ABLIM1: variants seen among roughly 807,000 people sequenced by gnomAD.
The protein encoded by ABLIM1 is actin binding LIM protein 1.
A neutral mutation model predicts 107.0 loss-of-function variants in ABLIM1; 40 were observed. The observed-to-expected ratio is 0.37, with a 90% CI of 0.29 to 0.49. The LOEUF is 0.49. Ranked by LOEUF, ABLIM1 falls within the 20% of genes least tolerant of loss-of-function variation. ABLIM1 has a pLI of 0.97. For synonymous variants in ABLIM1, 357 were observed against 357.3 expected (o/e 1.00, Z 0.01); for missense variants, 857 against 1,008.5 (o/e 0.85, Z 2.04).
At chr10:114,681,259 G>A (rs1299871073) in intron 1 of ABLIM1, among the ~76,000 whole-genome samples, 2 of 152,152 alleles carry the variant, frequency 1.3e-5, no homozygotes, top group East Asian at 1.9e-4. Flanking sequence ...GCAGTGGCAC[G>A]ATCTCAGCTC....
At chr10:114,769,869 C>T (rs12767713), upstream of ABLIM1, among the ~76,000 whole-genome samples, 73,462 of 152,052 alleles carry the variant, frequency 0.48, 18,542 homozygotes, top group African/African-American at 0.54. Context: ...ATTTATCCAT[C>T]TTGACAACAT....
At chr10:114,503,097 G>A (rs1367193684) in intron 6 of ABLIM1, among the ~76,000 whole-genome samples, 1 of 152,082 alleles carries the variant, frequency 6.6e-6, no homozygotes, top group Non-Finnish European at 1.5e-5. Context: ...CAATTCCTTT[G>A]TGGAAATATA....
chr10:114,594,840 C>A (rs923981971), intron 2 of ABLIM1, among the ~76,000 whole-genome samples: 2 of 152,164 alleles, frequency 1.3e-5, no homozygotes, highest in Non-Finnish European at 2.9e-5. Context: ...CTTATGAGTA[C>A]CTGCCATATC....
chr10:114,638,384 C>G (rs1195126488), intron 1 of ABLIM1, among the ~76,000 whole-genome samples: 1 of 152,160 alleles, frequency 6.6e-6, no homozygotes, highest in African/African-American at 2.4e-5. Flanking sequence ...CCCTTTATAA[C>G]CTACCCTCAC....
intron 3 of ABLIM1, among the ~76,000 whole-genome samples, chr10:114,573,952 T>G (rs1330523539): frequency 1.3e-5 from 2 of 152,186 alleles, no homozygotes; most frequent in African/African-American, 4.8e-5. Context: ...AAATATTCAG[T>G]TCATTCATCC....
intron 1 of ABLIM1, among the ~76,000 whole-genome samples, chr10:114,720,383 T>G (rs112431379): frequency 0.054 from 8,169 of 152,258 alleles, 347 homozygotes; most frequent in African/African-American, 0.11. Flanking sequence ...CTTTGGGTAT[T>G]TATCCAGTAA....
At chr10:114,538,035 C>T (rs534700432) in intron 6 of ABLIM1, among the ~76,000 whole-genome samples, 3 of 152,344 alleles carry the variant, frequency 2.0e-5, no homozygotes, top group African/African-American at 4.8e-5. Context: ...TAGAGAATAG[C>T]TTAGCCCAGA....
intron 4 of ABLIM1, among the ~76,000 whole-genome samples, chr10:114,554,622 G>A (rs1261659380): frequency 6.6e-6 from 1 of 152,174 alleles, no homozygotes; most frequent in East Asian, 1.9e-4. Flanking sequence ...CTTGAGCCCA[G>A]GAGCTCAAGG....
At chr10:114,465,870 A>T in intron 11 of ABLIM1, 43 bp from the exon 12 acceptor site, 1 of 1,604,086 alleles carries the variant, frequency 6.2e-7, no homozygotes, top group Non-Finnish European at 8.5e-7. Flanking sequence ...ACCATGCCTC[A>T]GTAGGAACCA....
At chr10:114,468,421 C>CT (rs33941331) in intron 10 of ABLIM1, among the ~76,000 whole-genome samples, 10 of 830 alleles carry the variant, frequency 0.012, no homozygotes, top group African/African-American at 0.03. Flanking sequence ...ACTACAGGCG[C>CT]CGCCACCACC....
At chr10:114,683,193 C>G (rs2080819344) in intron 1 of ABLIM1, among the ~76,000 whole-genome samples, 1 of 152,166 alleles carries the variant, frequency 6.6e-6, no homozygotes, top group Non-Finnish European at 1.5e-5. Flanking sequence ...TTAGAAAGAA[C>G]AGGGGAGGGC....
chr10:114,543,220 A>G (rs1212086228), intron 6 of ABLIM1, among the ~76,000 whole-genome samples: 1 of 152,190 alleles, frequency 6.6e-6, no homozygotes, highest in Non-Finnish European at 1.5e-5. Context: ...GGCACTTAGT[A>G]CATTCATTCA....
At chr10:114,547,381 G>A (rs2067493432) in intron 5 of ABLIM1, 5 of 389,484 alleles carry the variant, frequency 1.3e-5, no homozygotes, top group Non-Finnish European at 2.3e-5. Context: ...ATTATTAAAT[G>A]CTTAATTGGT....
the ABLIM1 span, among the ~76,000 whole-genome samples, chr10:114,786,393 GCTAT>G: frequency 2.6e-5 from 4 of 152,166 alleles, no homozygotes; most frequent in African/African-American, 9.7e-5. Flanking sequence ...ACTAGAATGA[GCTAT>G]CTAGATTTGA....
In ABLIM1 at chr10:114,704,883, T is replaced by C. The variant is rs2081389671; in HGVS notation, c.-213+63178A>G. ...TTCTCAAAGACAAACTCATGAATAGTTCATCAGCTTAAGGAGAAAGACTAC... is the reference window on the plus strand; with the variant it reads ...TTCTCAAAGACAAACTCATGAATAGCTCATCAGCTTAAGGAGAAAGACTAC... On this transcript the variant is annotated intron_variant, in intron 1 of 15. Coordinates refer to the ABLIM1 transcript ENST00000651092. 2.0e-5 allele frequency among the ~76,000 whole-genome samples: 3 copies of C among 152,132 alleles called. No homozygotes were observed. The South Asian group carries it at 6.2e-4, about 32-fold the overall frequency.
intron 3 of ABLIM1, among the ~76,000 whole-genome samples, chr10:114,573,326 G>A (rs1228125418): frequency 6.6e-6 from 1 of 152,124 alleles, no homozygotes; most frequent in African/African-American, 2.4e-5. Flanking sequence ...TTGCTAAGAG[G>A]GTGAAATTAA....
intron 6 of ABLIM1, among the ~76,000 whole-genome samples, chr10:114,529,842 T>A (rs1368816197): frequency 2.6e-5 from 4 of 151,876 alleles, no homozygotes; most frequent in African/African-American, 9.7e-5. Context: ...GCCTTGCCAA[T>A]ATGGTGAAAC....
intron 4 of ABLIM1, among the ~76,000 whole-genome samples, chr10:114,549,894 G>T (rs1010541147): frequency 2.6e-5 from 4 of 152,192 alleles, no homozygotes; most frequent in Non-Finnish European, 5.9e-5. Flanking sequence ...TAAAAAAGTA[G>T]TAAAGAAAAT....
the ABLIM1 span, chr10:114,779,472 C>G: frequency 6.6e-6 from 1 of 152,096 alleles, no homozygotes; most frequent in African/African-American, 2.4e-5. Context: ...TTTAAATTGT[C>G]AAAAATTCAG....
Sources: gnomAD v4.1 joint callset for allele counts (sites outside exome capture counted in the v4.1 genomes callset) on GRCh38, gnomAD v4.1.1 for gene constraint, MANE v1.5 for transcripts, NCBI Gene and HGNC (gene_info 2026-07-23, HGNC 2026-07-21) for gene names.